Variants in SLC4A10 observed in about 807,000 individuals in gnomAD.
The protein encoded by SLC4A10 is sodium-driven chloride bicarbonate exchanger.
A neutral mutation model predicts 137.7 loss-of-function variants in SLC4A10; 42 were observed. That is an observed-to-expected ratio of 0.30 (90% CI 0.24 to 0.39). The LOEUF (loss-of-function observed/expected upper bound fraction) is 0.39, where lower values mean the gene tolerates loss of function less well. Ranked by LOEUF, SLC4A10 falls within the 10% of genes least tolerant of loss-of-function variation. The pLI, the probability that SLC4A10 is intolerant of heterozygous loss-of-function variation, is 1.00. For synonymous variants in SLC4A10, 474 were observed against 464.1 expected, an observed-to-expected ratio of 1.02 and a Z score of -0.27; for missense variants, 925 against 1,355.0, an observed-to-expected ratio of 0.68 and a Z score of 4.98.
At chr2:161,733,807 G>A (rs925675807) in intron 1 of SLC4A10, among the ~76,000 whole-genome samples, 1 of 152,198 alleles carries the variant, frequency 6.6e-6, no homozygotes, top group Admixed American at 6.5e-5. Context: ...AGCCACAGGG[G>A]TGGAGCTGCC....
intron 4 of SLC4A10, among the ~76,000 whole-genome samples, chr2:161,850,784 C>A (rs1003076037): frequency 1.3e-5 from 2 of 151,898 alleles, no homozygotes; most frequent in Non-Finnish European, 2.9e-5. Context: ...TTTTCAAATT[C>A]CTTCAAGTGT....
chr2:161,839,790 C>T lies in SLC4A10; in HGVS notation c.279C>T (p.Asp93=), dbSNP rs1356769770. The part of the protein sequence containing the change: ...LEDGRESPSF[D]TPSQRVQFIL... ...TAATACATGTCTCTGATTTTTTAGA[C>T]ACCCCATCACAGAGGGTACAGTTTA... The change falls in exon 4 of 27, where the codon GAC becomes GAT. Residue 93 remains aspartate (D), a splice_region_variant and synonymous_variant. Coordinates refer to ENST00000446997, the MANE Select transcript of SLC4A10 (RefSeq NM_001178015.2). 7 of 1,613,306 alleles carry T rather than the reference C, an allele frequency of 4.3e-6. No homozygotes were observed. Among genetic ancestry groups the T allele is most frequent in the African/African-American group, 2.7e-5 (2 of 74,926 alleles).
At chr2:161,738,827 C>CA (rs1432044491) in intron 1 of SLC4A10, among the ~76,000 whole-genome samples, 2 of 152,132 alleles carry the variant, frequency 1.3e-5, no homozygotes, top group Admixed American at 6.5e-5. Flanking sequence ...ACAGCAGTAT[C>CA]AGTCTAGCAA....
intron 6 of SLC4A10, among the ~76,000 whole-genome samples, chr2:161,865,462 C>T (rs930377980): frequency 2.0e-5 from 3 of 151,934 alleles, no homozygotes; most frequent in East Asian, 1.9e-4. Context: ...CAAATCTTTT[C>T]GAGGCATACG....
chr2:161,772,458 A>C (rs914302456), intron 2 of SLC4A10, among the ~76,000 whole-genome samples: 10 of 151,828 alleles, frequency 6.6e-5, no homozygotes, highest in Middle Eastern at 3.2e-3. Context: ...AAAATACTTA[A>C]TAAAAAATAG....
intron 1 of SLC4A10, among the ~76,000 whole-genome samples, chr2:161,645,356 C>T (rs1482105451): frequency 6.6e-6 from 1 of 151,646 alleles, no homozygotes; most frequent in African/African-American, 2.4e-5. Flanking sequence ...AATATTTTCT[C>T]ATAACTAATG....
At chr2:161,832,553 G>A (rs1280627218) in intron 3 of SLC4A10, among the ~76,000 whole-genome samples, 1 of 152,102 alleles carries the variant, frequency 6.6e-6, no homozygotes, top group Non-Finnish European at 1.5e-5. Flanking sequence ...GAGGATTTGG[G>A]GAGGTAGTTG....
At chr2:161,642,749 G>A (rs534767030) in intron 1 of SLC4A10, among the ~76,000 whole-genome samples, 4 of 151,998 alleles carry the variant, frequency 2.6e-5, no homozygotes, top group African/African-American at 9.6e-5. Flanking sequence ...GAAAAATATT[G>A]CACTGCTTTG....
chr2:161,964,786 C>G (rs560710704), intron 22 of SLC4A10, among the ~76,000 whole-genome samples: 1 of 152,020 alleles, frequency 6.6e-6, no homozygotes, highest in African/African-American at 2.4e-5. Flanking sequence ...GAAACATAGT[C>G]AAATACATTT....
At chr2:161,917,019 C>T (rs1267798845) in intron 15 of SLC4A10, among the ~76,000 whole-genome samples, 2 of 152,138 alleles carry the variant, frequency 1.3e-5, no homozygotes, top group Non-Finnish European at 1.5e-5. Context: ...AAAAATGTTT[C>T]CTTGTGCTCC....
chr2:161,699,318 C>A (rs2042894280), intron 1 of SLC4A10, among the ~76,000 whole-genome samples: 1 of 152,132 alleles, frequency 6.6e-6, no homozygotes, highest in Admixed American at 6.5e-5. Flanking sequence ...CCGCACCCGG[C>A]CGACATTTAT....
intron 3 of SLC4A10, among the ~76,000 whole-genome samples, chr2:161,828,403 G>T (rs1360314626): frequency 1.3e-5 from 2 of 151,260 alleles, no homozygotes; most frequent in Non-Finnish European, 2.9e-5. Context: ...TTGAATTTTT[G>T]ATATTGACTG....
intron 25 of SLC4A10, 35 bp downstream of exon 25, chr2:161,976,911 T>C: frequency 8.8e-7 from 1 of 1,136,358 alleles, no homozygotes; most frequent in Non-Finnish European, 1.3e-6. Context: ...TTTATACTAA[T>C]TCCAATTGTT....
intron 15 of SLC4A10, among the ~76,000 whole-genome samples, chr2:161,907,986 A>G (rs55931021): frequency 0.067 from 10,216 of 152,200 alleles, 448 homozygotes; most frequent in East Asian, 0.13. Flanking sequence ...TTGAACCTTC[A>G]TGGTAGCTTC....
chr2:161,902,078 G>C (rs761068713), intron 12 of SLC4A10: 15 of 456,284 alleles, frequency 3.3e-5, no homozygotes, highest in Non-Finnish European at 6.2e-5. Context: ...CACAGATTCT[G>C]TTGCTGACAT....
At chr2:161,931,254 A>G (rs1003474465) in intron 15 of SLC4A10, 1 of 152,320 alleles carries the variant, frequency 6.6e-6, no homozygotes, top group Non-Finnish European at 1.5e-5. Context: ...TGGCCTGGAC[A>G]TCATCCAGTG....
chr2:161,838,283 T>TAA (rs34124601), intron 3 of SLC4A10, among the ~76,000 whole-genome samples: 35 of 150,728 alleles, frequency 2.3e-4, no homozygotes, highest in East Asian at 1.2e-3. Flanking sequence ...ATGCAAAAAA[T>TAA]AAAAAAAAAC....
chr2:161,972,047 A>T (rs1351116405), intron 23 of SLC4A10, among the ~76,000 whole-genome samples: 3 of 152,168 alleles, frequency 2.0e-5, no homozygotes. Context: ...CTAAGCACTG[A>T]CGGCACTGTT....
intron 4 of SLC4A10, among the ~76,000 whole-genome samples, 193 bp downstream of exon 4, chr2:161,840,120 G>A (rs979710877): frequency 6.6e-6 from 1 of 152,118 alleles, no homozygotes; most frequent in Non-Finnish European, 1.5e-5. Context: ...TACAGTAAAC[G>A]GTGATGCAGA....
Sources: gnomAD v4.1 joint callset for allele counts (sites outside exome capture counted in the v4.1 genomes callset) on GRCh38, gnomAD v4.1.1 for gene constraint, MANE v1.5 for transcripts, NCBI Gene and HGNC (gene_info 2026-07-23, HGNC 2026-07-21) for gene names.